Variants in STRN observed in about 807,000 individuals in gnomAD.
STRN encodes striatin.
A neutral mutation model predicts 96.3 loss-of-function variants in STRN; 53 were observed. The observed-to-expected ratio is 0.55, with a 90% CI of 0.44 to 0.69. The LOEUF (loss-of-function observed/expected upper bound fraction) is 0.69. STRN is among the 30% of genes least tolerant of loss of function. The pLI is 0.00. For synonymous variants in STRN, 428 were observed against 355.9 expected, an observed-to-expected ratio of 1.20 and a Z score of -2.28; for missense variants, 987 against 963.9, an observed-to-expected ratio of 1.02 and a Z score of -0.32.
rs1401138860 is a variant in STRN at position 36,849,638 on chromosome 2, A to G, written c.2174-13T>C. 1 of 1,612,064 alleles carries G rather than the reference A, an allele frequency of 6.2e-7. No homozygotes were observed. The highest frequency in any genetic ancestry group is 8.5e-7 in the Non-Finnish European group (1 of 1,179,460). On this transcript the variant is annotated splice_polypyrimidine_tract_variant and intron_variant, in intron 17 of 17. Coordinates refer to ENST00000263918, the MANE Select transcript of STRN (RefSeq NM_003162.4). ...GAACAGTCATGACCTATATCCAAAA[A>G]AAAAATTAAAAGGAAAAATTACATT...
At chr2:36,900,164 G>T (rs556318413) in intron 5 of STRN, among the ~76,000 whole-genome samples, 1 of 152,052 alleles carries the variant, frequency 6.6e-6, no homozygotes, top group Non-Finnish European at 1.5e-5. Flanking sequence ...CAAAGTGCTG[G>T]GATTATAGGC....
chr2:36,908,683 G>C (rs887591269), intron 3 of STRN, among the ~76,000 whole-genome samples: 3 of 152,128 alleles, frequency 2.0e-5, no homozygotes, highest in Non-Finnish European at 4.4e-5. Context: ...AGTAACATCT[G>C]AGGTTATGGC....
intron 1 of STRN, among the ~76,000 whole-genome samples, chr2:36,954,042 C>A (rs1198761263): frequency 1.3e-5 from 2 of 151,898 alleles, no homozygotes; most frequent in Non-Finnish European, 2.9e-5. Context: ...AACTAAAAAT[C>A]AAATTTTTAG....
chr2:36,957,700 CTTTA>C (rs1331532168), intron 1 of STRN, among the ~76,000 whole-genome samples: 3 of 148,132 alleles, frequency 2.0e-5, no homozygotes, highest in Admixed American at 1.3e-4. Flanking sequence ...AAGAAGATAC[CTTTA>C]TTTGAGAGCT....
At chr2:36,928,624 C>G (rs1242941555) in intron 1 of STRN, among the ~76,000 whole-genome samples, 1 of 147,334 alleles carries the variant, frequency 6.8e-6, no homozygotes, top group East Asian at 2.0e-4. Context: ...TGCACTCCAG[C>G]CTGGGCGACA....
rs1558613205 is a variant in STRN, at chr2:36,838,817, T to TA, written c.*10638dup. On this transcript the variant is annotated 3_prime_UTR_variant, in exon 18 of 18. Transcript: ENST00000263918. The stretch of plus-strand genomic sequence containing the variant: ...AAGGAAATAAGAGCTATGATAGACT[T>TA]AGAGAAATTCTCATCCTACATTGTT... 1.3e-5 allele frequency among the ~76,000 whole-genome samples: 2 copies of TA among 152,166 alleles called. No individual in the cohort carries two copies. Among genetic ancestry groups the TA allele is most frequent in the South Asian group, 2.1e-4 (1 of 4,824 alleles).
At position 36,905,590 on chromosome 2, in the gene STRN, T is replaced by C; in HGVS notation, c.441A>G (p.Pro147=). ...SDEGNETEVQ[P]QQNSQLMWKQ... ...TCCACATTAACTGGCTGTTTTGTTG[T>C]GGCTGCACTTCTGTTTCATTACCTT... is the stretch of plus-strand genomic sequence containing the variant. The change falls in exon 4 of 18, where the codon CCA becomes CCG. Residue 147 remains proline, a synonymous_variant. Coordinates refer to ENST00000263918, the MANE Select transcript of STRN (RefSeq NM_003162.4). The C allele has an allele frequency of 1.2e-6, 2 of 1,613,314 alleles. No homozygotes were observed. The highest frequency in any genetic ancestry group is 1.7e-6 in the Non-Finnish European group (2 of 1,179,916).
chr2:36,897,827 T>G (rs1425747923), intron 6 of STRN, among the ~76,000 whole-genome samples: 1 of 152,058 alleles, frequency 6.6e-6, no homozygotes, highest in Non-Finnish European at 1.5e-5. Context: ...TTCCTCAGCC[T>G]CCCATGCAGT....
intron 10 of STRN, among the ~76,000 whole-genome samples, chr2:36,874,263 CAAA>C (rs773719537): frequency 8.6e-6 from 1 of 116,860 alleles, no homozygotes; most frequent in Non-Finnish European, 1.8e-5. Flanking sequence ...AACTCTGTCT[CAAA>C]AAAAAAAAAA....
chr2:36,946,986 C>G (rs1005972639), intron 1 of STRN, among the ~76,000 whole-genome samples: 3 of 152,032 alleles, frequency 2.0e-5, no homozygotes, highest in Non-Finnish European at 4.4e-5. Flanking sequence ...ACCTCCACCT[C>G]CCAGGTTCAA....
At chr2:36,953,804 CT>C (rs971652229) in intron 1 of STRN, among the ~76,000 whole-genome samples, 2 of 152,162 alleles carry the variant, frequency 1.3e-5, no homozygotes, top group African/African-American at 4.8e-5. Context: ...ACATATTATT[CT>C]GTTCTAACAT....
Position 36,842,591 on chromosome 2 carries a change from G to A in STRN, c.*6865C>T, listed in dbSNP as rs1450285708. On this transcript the variant is annotated 3_prime_UTR_variant, in exon 18 of 18. Coordinates refer to ENST00000263918, the MANE Select transcript of STRN (RefSeq NM_003162.4). ...CTATCAGTAGGTTATTGCAGACTTT[G>A]CTCACCCAAATAATGACTTCCAATC... 6.6e-6 allele frequency: 1 copy of A among 152,068 alleles called. No individual in the cohort carries two copies. Among genetic ancestry groups the A allele is most frequent in the Non-Finnish European group, 1.5e-5 (1 of 68,010 alleles). The allele number at this position is 152,068 out of a possible 1,614,324, so 9.4% of individuals were successfully genotyped here. A position where few individuals can be genotyped will look rare whatever the true frequency, so the allele number is the denominator to read the frequency against.
At chr2:36,945,274 G>A (rs985724980) in intron 1 of STRN, among the ~76,000 whole-genome samples, 1 of 152,182 alleles carries the variant, frequency 6.6e-6, no homozygotes, top group African/African-American at 2.4e-5. Context: ...AAACAACAGA[G>A]GGACCATGTG....
chr2:36,863,365 A>G (rs1019931440), intron 12 of STRN, among the ~76,000 whole-genome samples: 1 of 152,212 alleles, frequency 6.6e-6, no homozygotes, highest in South Asian at 2.1e-4. Context: ...GGTATAAGGA[A>G]GGGGTCCAGT....
chr2:36,923,588 C>G (rs1162939727), intron 2 of STRN, among the ~76,000 whole-genome samples: 1 of 152,094 alleles, frequency 6.6e-6, no homozygotes, highest in Non-Finnish European at 1.5e-5. Flanking sequence ...AAGAGGTCAA[C>G]CTATTTTCAA....
intron 5 of STRN, among the ~76,000 whole-genome samples, chr2:36,902,192 A>T (rs981462084): frequency 6.6e-6 from 1 of 152,206 alleles, no homozygotes; most frequent in Non-Finnish European, 1.5e-5. Flanking sequence ...TTAATAGATA[A>T]ACAAAAGTGG....
chr2:36,945,797 T>C (rs1670967572), intron 1 of STRN, among the ~76,000 whole-genome samples: 1 of 152,154 alleles, frequency 6.6e-6, no homozygotes, highest in Non-Finnish European at 1.5e-5. Flanking sequence ...AAACAACATA[T>C]TATCTTAGAC....
At chr2:36,942,796 A>G (rs933269820) in intron 1 of STRN, among the ~76,000 whole-genome samples, 7 of 152,088 alleles carry the variant, frequency 4.6e-5, no homozygotes, top group African/African-American at 1.4e-4. Context: ...CCTGGATTCA[A>G]GCAATTCTGA....
In STRN at chr2:36,893,989, A is replaced by G; in HGVS notation, c.840T>C (p.Asp280=). The G allele has an allele frequency of 2.5e-6, 4 of 1,613,570 alleles. No homozygotes were observed. The highest frequency in any genetic ancestry group is 3.4e-6 in the Non-Finnish European group (4 of 1,179,840). ...CAAACTCCTTTAGAGCTTCTTTTGTATCTCGATCTTCACCGCTGTCAGGCA... is the reference window on the plus strand; with the variant it reads ...CAAACTCCTTTAGAGCTTCTTTTGTGTCTCGATCTTCACCGCTGTCAGGCA... ...KALPDSGEDR[D]TKEALKEFDF... is the part of the protein sequence containing the mutation. The change falls in exon 7 of 18, where the codon GAT becomes GAC. Residue 280 remains aspartate (D), a synonymous_variant. Coordinates refer to ENST00000263918, the MANE Select transcript of STRN (RefSeq NM_003162.4).
Sources: gnomAD v4.1 joint callset for allele counts (sites outside exome capture counted in the v4.1 genomes callset) on GRCh38, gnomAD v4.1.1 for gene constraint, MANE v1.5 for transcripts, NCBI Gene and HGNC (gene_info 2026-07-23, HGNC 2026-07-21) for gene names.